The following AFG2A variants were observed in gnomAD, a reference collection of about 807,000 sequenced individuals.
The protein encoded by AFG2A is AAA ATPase AFG2A.
the AFG2A span, chr4:122,929,011 C>G: frequency 6.2e-7 from 1 of 1,604,900 alleles, no homozygotes; most frequent in Non-Finnish European, 8.5e-7. Context: ...TATTTATTTT[C>G]TAACATTTTT....
At chr4:122,968,906 T>C in the AFG2A span, among the ~76,000 whole-genome samples, 1 of 152,168 alleles carries the variant, frequency 6.6e-6, no homozygotes, top group African/African-American at 2.4e-5. Context: ...ATTGACCATT[T>C]AGATGTCTTT....
the AFG2A span, among the ~76,000 whole-genome samples, chr4:123,188,579 A>G: frequency 6.6e-6 from 1 of 152,206 alleles, no homozygotes; most frequent in Non-Finnish European, 1.5e-5. Flanking sequence ...GTGGAACTAC[A>G]TTATTGCTTC....
the AFG2A span, among the ~76,000 whole-genome samples, chr4:123,197,911 A>G: frequency 6.6e-6 from 1 of 152,206 alleles, no homozygotes; most frequent in Non-Finnish European, 1.5e-5. Flanking sequence ...TGAACAACAC[A>G]TTCCATTTAA....
the AFG2A span, chr4:123,317,872 T>G: frequency 1.3e-5 from 2 of 152,164 alleles, no homozygotes; most frequent in African/African-American, 4.8e-5. Flanking sequence ...GGGGCATATA[T>G]AGTGGAAGAA....
the AFG2A span, among the ~76,000 whole-genome samples, chr4:123,222,208 G>C: frequency 2.0e-5 from 3 of 152,112 alleles, no homozygotes; most frequent in Admixed American, 1.3e-4. Flanking sequence ...TTCAATTCTG[G>C]AGAGCTAGTA....
chr4:123,155,034 A>G, the AFG2A span, among the ~76,000 whole-genome samples: 1 of 151,704 alleles, frequency 6.6e-6, no homozygotes, highest in East Asian at 1.9e-4. Flanking sequence ...ATCTGTGAAC[A>G]TTCTCTTGAA....
the AFG2A span, among the ~76,000 whole-genome samples, chr4:123,081,752 A>G: frequency 1.3e-5 from 2 of 152,048 alleles, no homozygotes; most frequent in Non-Finnish European, 2.9e-5. Flanking sequence ...ACCATTTTTT[A>G]CCCCATCAGC....
the AFG2A span, among the ~76,000 whole-genome samples, chr4:123,243,598 G>A: frequency 6.6e-6 from 1 of 152,094 alleles, no homozygotes; most frequent in African/African-American, 2.4e-5. Context: ...GGCCTGTCAG[G>A]TGGTGGGGGG....
the AFG2A span, among the ~76,000 whole-genome samples, chr4:123,231,558 T>C: frequency 5.3e-5 from 8 of 152,038 alleles, no homozygotes; most frequent in Non-Finnish European, 1.2e-4. Context: ...GCTCTCTTAG[T>C]ATTCATGTGT....
the AFG2A span, among the ~76,000 whole-genome samples, chr4:123,233,314 G>T: frequency 6.6e-6 from 1 of 150,982 alleles, no homozygotes; most frequent in Admixed American, 6.6e-5. Flanking sequence ...CTCCTATCCC[G>T]CACCCTCAGA....
At chr4:123,209,042 A>G in the AFG2A span, among the ~76,000 whole-genome samples, 9 of 152,304 alleles carry the variant, frequency 5.9e-5, no homozygotes, top group South Asian at 4.2e-4. Flanking sequence ...CTGATGACCA[A>G]TGATTTAGTC....
At chr4:122,981,845 C>T in the AFG2A span, among the ~76,000 whole-genome samples, 2 of 148,944 alleles carry the variant, frequency 1.3e-5, no homozygotes, top group East Asian at 2.0e-4. Flanking sequence ...CTTTTGTTGT[C>T]GATTTTGTAT....
At chr4:123,161,892 T>G in the AFG2A span, among the ~76,000 whole-genome samples, 1 of 152,166 alleles carries the variant, frequency 6.6e-6, no homozygotes, top group African/African-American at 2.4e-5. Flanking sequence ...TGCAAGCTGG[T>G]CCATTTACAT....
At chr4:123,005,356 AGC>A in the AFG2A span, among the ~76,000 whole-genome samples, 5 of 151,990 alleles carry the variant, frequency 3.3e-5, no homozygotes, top group Non-Finnish European at 7.4e-5. Flanking sequence ...TCGCCATGTT[AGC>A]TGGCTAGGCT....
At chr4:122,986,111 A>G in the AFG2A span, among the ~76,000 whole-genome samples, 2 of 151,786 alleles carry the variant, frequency 1.3e-5, no homozygotes, top group African/African-American at 4.8e-5. Context: ...TCGGTTTCCA[A>G]TTTTGTCCCA....
At chr4:122,940,509 T>C in the AFG2A span, among the ~76,000 whole-genome samples, 1 of 152,092 alleles carries the variant, frequency 6.6e-6, no homozygotes, top group Admixed American at 6.5e-5. Flanking sequence ...TTTGTTTGAG[T>C]TCATTGTAGA....
chr4:122,931,689 C>T, the AFG2A span, among the ~76,000 whole-genome samples: 2 of 152,048 alleles, frequency 1.3e-5, no homozygotes, highest in African/African-American at 4.8e-5. Flanking sequence ...TCCAACTGAC[C>T]CCAGGCCTGG....
the AFG2A span, among the ~76,000 whole-genome samples, chr4:123,224,310 A>T: frequency 6.6e-6 from 1 of 152,098 alleles, no homozygotes; most frequent in Non-Finnish European, 1.5e-5. Context: ...TGCTGCACCC[A>T]TTAACTCGTC....
At chr4:122,925,331 T>C in the AFG2A span, among the ~76,000 whole-genome samples, 1 of 152,210 alleles carries the variant, frequency 6.6e-6, no homozygotes, top group Admixed American at 6.5e-5. Flanking sequence ...TTATTCCTTT[T>C]CCATTCTGCA....
Sources: allele counts gnomAD v4.1 joint callset (sites outside exome capture counted in the v4.1 genomes callset), GRCh38; gene constraint gnomAD v4.1.1; transcripts MANE v1.5; gene names NCBI Gene and HGNC (gene_info 2026-07-23, HGNC 2026-07-21).